CREBBP: variants seen among roughly 807,000 people sequenced by gnomAD.
CREBBP encodes the protein CREB-binding protein.
A neutral mutation model predicts 265.0 loss-of-function variants in CREBBP; 19 were observed. That is an observed-to-expected ratio of 0.07 (90% CI 0.05 to 0.11). The LOEUF (loss-of-function observed/expected upper bound fraction) is 0.11, where lower values mean the gene tolerates loss of function less well. Among genes scored for constraint, CREBBP ranks in the 10% least tolerant of loss-of-function variants. The pLI is 1.00. For synonymous variants in CREBBP, 1,457 were observed against 1,223.7 expected, an observed-to-expected ratio of 1.19 and a Z score of -3.98; for missense variants, 2,525 against 3,219.0, an observed-to-expected ratio of 0.78 and a Z score of 5.22.
chr16:3,861,652 C>CAAAAA (rs368654449), intron 1 of CREBBP, among the ~76,000 whole-genome samples: 4 of 121,030 alleles, frequency 3.3e-5, no homozygotes, highest in African/African-American at 5.8e-5. Flanking sequence ...CTCTCTATAC[C>CAAAAA]AAAAAAAAAA....
In CREBBP at chr16:3,880,042, G is replaced by C. The variant is rs1389086258; in HGVS notation, c.-126C>G. On this transcript the variant is annotated 5_prime_UTR_variant, in exon 1 of 31. Coordinates refer to ENST00000262367, the MANE Select transcript of CREBBP (RefSeq NM_004380.3). Reference sequence around the variant, plus strand: ...GCGCGGGCCGCGAGCGGGCGGGCGGGCGCCGAGGGAGAGGGAGGGCGCAGG... The same window carrying C: ...GCGCGGGCCGCGAGCGGGCGGGCGGCCGCCGAGGGAGAGGGAGGGCGCAGG... 5.5e-6 allele frequency: 4 copies of C among 727,868 alleles called. No individual in the cohort carries two copies. The highest frequency in any genetic ancestry group is 1.9e-6 in the Non-Finnish European group (1 of 532,498). 45.1% of individuals were successfully genotyped at this position (727,868 alleles called of 1,614,324 possible).
intron 3 of CREBBP, among the ~76,000 whole-genome samples, chr16:3,794,122 T>G (rs1028884262): frequency 2.6e-5 from 4 of 151,496 alleles, no homozygotes; most frequent in Non-Finnish European, 5.9e-5. Context: ...GGTCAGGAGA[T>G]CGGGACCACC....
chr16:3,798,999 G>A (rs1052886834), intron 3 of CREBBP, among the ~76,000 whole-genome samples: 5 of 152,268 alleles, frequency 3.3e-5, no homozygotes, highest in South Asian at 4.1e-4. Context: ...TTATTCAACC[G>A]TAAAAAGGGA....
intron 30 of CREBBP, 56 bp from the exon 31 acceptor site, chr16:3,729,930 G>A: frequency 3.8e-6 from 6 of 1,588,110 alleles, no homozygotes; most frequent in Admixed American, 1.7e-5. Flanking sequence ...GTACCACCAG[G>A]CATCCTGGCT....
chr16:3,831,960 G>A (rs1437315921), intron 2 of CREBBP, among the ~76,000 whole-genome samples: 1 of 151,650 alleles, frequency 6.6e-6, no homozygotes, highest in African/African-American at 2.4e-5. Context: ...TGATGCCACT[G>A]TACTCCAGCC....
chr16:3,819,406 G>A (rs1597000743), intron 2 of CREBBP, among the ~76,000 whole-genome samples: 1 of 152,342 alleles, frequency 6.6e-6, no homozygotes, highest in East Asian at 1.9e-4. Flanking sequence ...GTGAGGAGGT[G>A]AGAGACAGCT....
intron 28 of CREBBP, among the ~76,000 whole-genome samples, chr16:3,732,547 T>TA (rs1567266544): frequency 1.3e-5 from 2 of 152,186 alleles, no homozygotes; most frequent in African/African-American, 2.4e-5. Context: ...ACCACTCACT[T>TA]ACACTTTAAC....
At chr16:3,758,140 C>T (rs1176381855) in intron 17 of CREBBP, 92 bp from the exon 18 acceptor site, 21 of 1,348,902 alleles carry the variant, frequency 1.6e-5, no homozygotes, top group Non-Finnish European at 2.2e-5. Context: ...ATAATAGAAA[C>T]AGAAAGCACC....
Position 3,774,043 on chromosome 16 carries a change from G to A in CREBBP, c.2284-113C>T, listed in dbSNP as rs1270363017. On this transcript the variant is annotated intron_variant, in intron 12 of 30. Coordinates refer to ENST00000262367, the MANE Select transcript of CREBBP (RefSeq NM_004380.3). ...CAACCCCAGAGGATGGCAAGCACAG[G>A]GCTCACATCCTGCCCTTCCTCATGG... The A allele has an allele frequency of 6.8e-6, 8 of 1,177,252 alleles. No homozygotes were observed. In the African/African-American group the frequency reaches 1.2e-4, roughly 18 times the overall value. 72.9% of individuals were successfully genotyped at this position (1,177,252 alleles called of 1,614,324 possible).
chr16:3,842,566 T>C lies in CREBBP; in HGVS notation c.798+7731A>G, dbSNP rs1188132453. Among the ~76,000 whole-genome samples, 7 of 152,222 alleles carry C rather than the reference T, an allele frequency of 4.6e-5. No homozygotes were observed. In the South Asian group the frequency reaches 1.0e-3, roughly 23 times the overall value. On this transcript the variant is annotated intron_variant, in intron 2 of 30. Coordinates refer to ENST00000262367, the MANE Select transcript of CREBBP (RefSeq NM_004380.3). ...CTTATCATGCCTTCTATCACAAAAGTAAACAAAAGAAAAAAATAGTAATAT... is the reference window on the plus strand; with the variant it reads ...CTTATCATGCCTTCTATCACAAAAGCAAACAAAAGAAAAAAATAGTAATAT...
Position 3,727,989 on chromosome 16 carries a change from C to T in CREBBP, c.7058G>A (p.Arg2353Gln), listed in dbSNP as rs1423752547. 10 of 1,609,098 alleles carry T rather than the reference C, an allele frequency of 6.2e-6. No individual in the cohort carries two copies. The highest frequency in any genetic ancestry group is 2.7e-5 in the African/African-American group (2 of 74,794). ...VRSPAPVQSP[R>Q]PQSQPPHSSP... ...GGAATGTGGAGGCTGGGACTGGGGC[C>T]GTGGAGACTGGACAGGGGCTGGAGA... Residue 2353 changes from arginine to glutamine, a missense_variant, in exon 31 of 31, where the codon CGG becomes CAG. Arg to Gln is a conservative substitution (Grantham distance 43). Transcript: ENST00000262367.
chr16:3,862,328 G>A (rs1326836497), intron 1 of CREBBP, among the ~76,000 whole-genome samples: 1 of 152,050 alleles, frequency 6.6e-6, no homozygotes, highest in Non-Finnish European at 1.5e-5. Context: ...GGAACTTCAA[G>A]GGAAAAGCTC....
At chr16:3,832,019 A>G (rs1165789672) in intron 2 of CREBBP, among the ~76,000 whole-genome samples, 6 of 152,084 alleles carry the variant, frequency 3.9e-5, no homozygotes, top group Admixed American at 1.3e-4. Context: ...AAGAAAGAAA[A>G]AAAAGAAAAG....
chr16:3,757,666 C>T (rs565007170), intron 18 of CREBBP, 143 bp downstream of exon 18: 43 of 1,239,108 alleles, frequency 3.5e-5, no homozygotes, highest in Admixed American at 6.0e-5. Flanking sequence ...CCCATCACAT[C>T]GCTTCAGGCA....
At position 3,871,013 on chromosome 16, in the gene CREBBP, G is replaced by GAGGGGA. The variant is rs1024837158; in HGVS notation, c.85+8813_85+8818dup. Among the ~76,000 whole-genome samples the GAGGGGA allele has an allele frequency of 4.5e-4, 68 of 150,308 alleles. 1 individual carries two copies. The highest frequency in any genetic ancestry group is 4.2e-3 in the South Asian group (20 of 4,732). The stretch of plus-strand genomic sequence containing the variant: ...AGAAGAAAAGTAATGTAAAGAAGGG[G>GAGGGGA]AGGGGAAGGGGAAGGGGAAGGAAGG... On this transcript the variant is annotated intron_variant, in intron 1 of 30. Transcript: ENST00000262367.
At position 3,725,815 on chromosome 16, in the gene CREBBP, G is replaced by A. The variant is rs538141981; in HGVS notation, c.*1903C>T. ...AGGGCCCAAACGGAAGCTATTTGGGGCGTGATTTCTAAAATTACCATCACC... is the reference window on the plus strand; with the variant it reads ...AGGGCCCAAACGGAAGCTATTTGGGACGTGATTTCTAAAATTACCATCACC... On this transcript the variant is annotated 3_prime_UTR_variant, in exon 31 of 31. Coordinates refer to ENST00000262367, the MANE Select transcript of CREBBP (RefSeq NM_004380.3). 1 of 233,210 alleles carries A rather than the reference G, an allele frequency of 4.3e-6. No individual in the cohort carries two copies. Among genetic ancestry groups the A allele is most frequent in the Non-Finnish European group, 8.5e-6 (1 of 118,020 alleles). 14.4% of individuals were successfully genotyped at this position (233,210 alleles called of 1,614,324 possible).
chr16:3,769,944 C>T (rs999840044), intron 14 of CREBBP, among the ~76,000 whole-genome samples: 2 of 151,992 alleles, frequency 1.3e-5, no homozygotes, highest in Admixed American at 6.6e-5. Flanking sequence ...AATCTCGGCT[C>T]GATACAATTT....
intron 20 of CREBBP, among the ~76,000 whole-genome samples, chr16:3,750,754 G>A (rs1051088817): frequency 6.6e-6 from 1 of 152,198 alleles, no homozygotes; most frequent in Non-Finnish European, 1.5e-5. Context: ...AACACATTTA[G>A]ACTTTAGGCC....
intron 2 of CREBBP, among the ~76,000 whole-genome samples, chr16:3,849,135 G>A (rs2054729180): frequency 6.6e-6 from 1 of 152,146 alleles, no homozygotes; most frequent in African/African-American, 2.4e-5. Flanking sequence ...CTGAAGACGT[G>A]CCTGGTGGCT....
Sources: allele counts gnomAD v4.1 joint callset (sites outside exome capture counted in the v4.1 genomes callset), GRCh38; gene constraint gnomAD v4.1.1; transcripts MANE v1.5; gene names NCBI Gene and HGNC (gene_info 2026-07-23, HGNC 2026-07-21).